Variants in KIAA0825 observed in about 807,000 individuals in gnomAD.
KIAA0825 encodes KIAA0825.
In KIAA0825, 119 loss-of-function variants were observed where a neutral mutation model predicts 147.6. The observed-to-expected ratio is 0.81, with a 90% CI of 0.69 to 0.94. The LOEUF (loss-of-function observed/expected upper bound fraction) is 0.94. Among genes scored for constraint, KIAA0825 ranks in the 40% least tolerant of loss-of-function variants. KIAA0825 has a pLI of 0.00. For synonymous variants in KIAA0825, 470 were observed against 518.1 expected, an observed-to-expected ratio of 0.91 and a Z score of 1.26; for missense variants, 1,381 against 1,472.7, an observed-to-expected ratio of 0.94 and a Z score of 1.02.
intron 1 of KIAA0825, among the ~76,000 whole-genome samples, chr5:94,604,216 T>A (rs548014238): frequency 6.6e-6 from 1 of 152,268 alleles, no homozygotes; most frequent in Non-Finnish European, 1.5e-5. Context: ...AAAATTGCAA[T>A]CATAACAGTC....
At chr5:94,345,906 C>A (rs1782930738) in intron 20 of KIAA0825, among the ~76,000 whole-genome samples, 1 of 152,042 alleles carries the variant, frequency 6.6e-6, no homozygotes, top group African/African-American at 2.4e-5. Flanking sequence ...GATCATTGAG[C>A]AAGCAGGGGG....
intron 20 of KIAA0825, among the ~76,000 whole-genome samples, chr5:94,237,183 A>G (rs1775094926): frequency 6.6e-6 from 1 of 152,170 alleles, no homozygotes; most frequent in Admixed American, 6.5e-5. Context: ...GTTAAACTAT[A>G]CAAAACTATT....
intron 2 of KIAA0825, among the ~76,000 whole-genome samples, chr5:94,576,034 T>G (rs1780968918): frequency 6.6e-6 from 1 of 152,116 alleles, no homozygotes; most frequent in Admixed American, 6.5e-5. Flanking sequence ...CATAATGATT[T>G]TGAGTAGGCC....
At chr5:94,462,879 G>A (rs1203445756) in intron 11 of KIAA0825, among the ~76,000 whole-genome samples, 2 of 151,478 alleles carry the variant, frequency 1.3e-5, no homozygotes, top group Admixed American at 6.6e-5. Flanking sequence ...AGATCATCCC[G>A]GAAATTATAC....
intron 20 of KIAA0825, among the ~76,000 whole-genome samples, chr5:94,260,385 GAA>G (rs1776434155): frequency 6.6e-6 from 1 of 152,106 alleles, no homozygotes; most frequent in Admixed American, 6.6e-5. Context: ...GCAAAAAGGA[GAA>G]AAGAAATTAG....
intron 18 of KIAA0825, 38 bp downstream of exon 18, chr5:94,391,497 A>G (rs753765837): frequency 4.2e-5 from 65 of 1,550,654 alleles, no homozygotes; most frequent in Admixed American, 7.8e-5. Context: ...TCAGGCCAGT[A>G]CACACCTAAT....
chr5:94,358,468 T>C (rs1028005635), intron 20 of KIAA0825, among the ~76,000 whole-genome samples: 2 of 152,246 alleles, frequency 1.3e-5, no homozygotes, highest in African/African-American at 4.8e-5. Context: ...TGAAGCACTA[T>C]GAATTTCCAA....
chr5:94,243,004 ATAAC>A (rs1775431618), intron 20 of KIAA0825, among the ~76,000 whole-genome samples: 1 of 152,090 alleles, frequency 6.6e-6, no homozygotes, highest in African/African-American at 2.4e-5. Flanking sequence ...TTCCTTTGTC[ATAAC>A]TAACTTGGTA....
At chr5:94,596,774 AT>A (rs1160911084) in intron 1 of KIAA0825, among the ~76,000 whole-genome samples, 1 of 151,940 alleles carries the variant, frequency 6.6e-6, no homozygotes, top group Non-Finnish European at 1.5e-5. Flanking sequence ...TGTAATTGTC[AT>A]TGTAGAGATC....
chr5:94,477,134 C>A lies in KIAA0825; in HGVS notation c.1204G>T (p.Glu402Ter). The change falls in exon 7 of 21, where the codon GAG (glutamate) becomes TAG (stop). Residue 402 changes from glutamate (E) to a stop codon, truncating the protein, a stop_gained. Coordinates refer to ENST00000682413, the MANE Select transcript of KIAA0825 (RefSeq NM_001145678.3). LOFTEE classifies it high-confidence loss of function. The part of the protein sequence containing the change: ...PRANETNIPS[E>*]QSLPGKEATL... The stretch of plus-strand genomic sequence containing the variant: ...ACCTCTTTTCCTGGTAGTGATTGCT[C>A]GGAAGGAATATTGGTTTCGTTTGCT... 1.3e-6 allele frequency: 2 copies of A among 1,550,254 alleles called. No individual in the cohort carries two copies. The highest frequency in any genetic ancestry group is 1.2e-5 in the South Asian group (1 of 83,958).
At chr5:94,243,910 G>A (rs1407021748) in intron 20 of KIAA0825, among the ~76,000 whole-genome samples, 3 of 152,090 alleles carry the variant, frequency 2.0e-5, no homozygotes, top group Non-Finnish European at 4.4e-5. Flanking sequence ...AAATCGTCTT[G>A]CAGTGTTTTC....
Position 94,444,373 on chromosome 5 carries a change from T to A in KIAA0825, c.2358-4252A>T, listed in dbSNP as rs189661909. 1.2e-3 allele frequency among the ~76,000 whole-genome samples: 179 copies of A among 152,260 alleles called. 1 individual carries two copies. Among genetic ancestry groups the A allele is most frequent in the African/African-American group, 4.2e-3 (174 of 41,550 alleles). Reference sequence around the variant, plus strand: ...TGGTGAGGGTGATTAACCCTACTTATCATGAGGAGCTGGGCTTGCTACTGC... The same window carrying A: ...TGGTGAGGGTGATTAACCCTACTTAACATGAGGAGCTGGGCTTGCTACTGC... On this transcript the variant is annotated intron_variant, in intron 13 of 20. Transcript: ENST00000682413.
At chr5:94,427,449 T>C (rs778043321) in intron 14 of KIAA0825, among the ~76,000 whole-genome samples, 13 of 152,098 alleles carry the variant, frequency 8.5e-5, no homozygotes, top group Non-Finnish European at 1.5e-4. Flanking sequence ...CGTGCAAGGA[T>C]TGCTTGAGCC....
intron 1 of KIAA0825, among the ~76,000 whole-genome samples, chr5:94,606,648 T>G (rs958242612): frequency 6.6e-6 from 1 of 152,012 alleles, no homozygotes; most frequent in Non-Finnish European, 1.5e-5. Context: ...AAACTATCAA[T>G]AGAGTAAACA....
chr5:94,594,823 T>G (rs950006805), intron 1 of KIAA0825: 4 of 451,276 alleles, frequency 8.9e-6, no homozygotes, highest in African/African-American at 8.3e-5. Flanking sequence ...AGTGTTATCA[T>G]GTGTCACATT....
At position 94,403,779 on chromosome 5, in the gene KIAA0825, C is replaced by G; in HGVS notation, c.2677G>C (p.Glu893Gln). ...LYNIPVSTCVEYELEVIRCLR... is the reference protein window; with the variant it reads ...LYNIPVSTCVQYELEVIRCLR... Reference sequence around the variant, plus strand: ...CATCGGATGACCTCTAGCTCGTACTCCACGCACGTTGAGACTTTAAAATCA... The same window carrying G: ...CATCGGATGACCTCTAGCTCGTACTGCACGCACGTTGAGACTTTAAAATCA... The change falls in exon 16 of 21, where the codon GAG (glutamate) becomes CAG (glutamine). Residue 893 changes from glutamate (E) to glutamine (Q), a missense_variant. Glu to Gln is a conservative substitution (Grantham distance 29, BLOSUM62 2). Coordinates refer to ENST00000682413, the MANE Select transcript of KIAA0825 (RefSeq NM_001145678.3). The G allele has an allele frequency of 6.4e-7, 1 of 1,551,304 alleles. No individual in the cohort carries two copies. Among genetic ancestry groups the G allele is most frequent in the Non-Finnish European group, 8.7e-7 (1 of 1,146,794 alleles).
chr5:94,610,271 T>C (rs1788445073), intron 1 of KIAA0825, among the ~76,000 whole-genome samples: 1 of 148,154 alleles, frequency 6.7e-6, no homozygotes, highest in South Asian at 2.1e-4. Context: ...AATACAAAAA[T>C]TAGCTGGGCA....
intron 16 of KIAA0825, among the ~76,000 whole-genome samples, chr5:94,401,247 T>A (rs1378614571): frequency 6.6e-6 from 1 of 151,924 alleles, no homozygotes. Context: ...ACAATTCTTT[T>A]TTTTTTTTGC....
rs180861097 is a variant in KIAA0825 at position 94,520,185 on chromosome 5, T to C, written c.970+63A>G. ...AGATTTAACCAAATAGAAAACATCT[T>C]AGAAAATTAAACATATTAAAAGACT... On this transcript the variant is annotated intron_variant, in intron 5 of 20. Coordinates refer to ENST00000682413, the MANE Select transcript of KIAA0825 (RefSeq NM_001145678.3). The C allele has an allele frequency of 5.7e-5, 82 of 1,430,066 alleles. No individual in the cohort carries two copies. The Admixed American group carries it at 2.0e-3, about 35-fold the overall frequency. The allele number at this position is 1,430,066 out of a possible 1,614,324, so 88.6% of individuals were successfully genotyped here.
Sources: gnomAD v4.1 joint callset for allele counts (sites outside exome capture counted in the v4.1 genomes callset) on GRCh38, gnomAD v4.1.1 for gene constraint, MANE v1.5 for transcripts, NCBI Gene and HGNC (gene_info 2026-07-23, HGNC 2026-07-21) for gene names.